YAE1: variants seen among roughly 807,000 people sequenced by gnomAD.
The protein encoded by YAE1 is protein YAE1 homolog.
In YAE1, 22 loss-of-function variants were observed where a neutral mutation model predicts 23.0. That is an observed-to-expected ratio of 0.96 (90% CI 0.68 to 1.37). The LOEUF (loss-of-function observed/expected upper bound fraction) is 1.37, where lower values mean the gene tolerates loss of function less well. YAE1 is among the 40% of genes most tolerant of loss of function. The pLI is 0.00. For synonymous variants in YAE1, 101 were observed against 97.0 expected (o/e 1.04, Z -0.24); for missense variants, 260 against 262.1 (o/e 0.99, Z 0.06).
chr7:39,584,522 A>G (rs1258881071), intron 2 of YAE1, among the ~76,000 whole-genome samples: 1 of 152,104 alleles, frequency 6.6e-6, no homozygotes, highest in Non-Finnish European at 1.5e-5. Context: ...CCCTTATCCT[A>G]ATTTATTGCC....
At chr7:39,577,079 A>C (rs1481473109), downstream of YAE1, among the ~76,000 whole-genome samples, 2 of 152,062 alleles carry the variant, frequency 1.3e-5, no homozygotes, top group Non-Finnish European at 2.9e-5. Context: ...TATTTTTAGT[A>C]GAGATGGGGT....
intron 2 of YAE1, among the ~76,000 whole-genome samples, chr7:39,592,263 C>A (rs2115823871): frequency 6.6e-6 from 1 of 152,332 alleles, no homozygotes; most frequent in South Asian, 2.1e-4. Flanking sequence ...ACCAAACTAT[C>A]TTCCAGAGTT....
At chr7:39,585,065 C>G (rs192883840) in intron 2 of YAE1, among the ~76,000 whole-genome samples, 13 of 152,290 alleles carry the variant, frequency 8.5e-5, no homozygotes, top group Non-Finnish European at 1.9e-4. Context: ...TGGCCACTTG[C>G]AATTTCTTAT....
At chr7:39,577,529 G>C (rs1010437115), downstream of YAE1, among the ~76,000 whole-genome samples, 1 of 152,196 alleles carries the variant, frequency 6.6e-6, no homozygotes, top group African/African-American at 2.4e-5. Context: ...CAGGGAGGGA[G>C]GGGTTTAGCA....
At chr7:39,607,671 T>G (rs985021157) in intron 2 of YAE1, among the ~76,000 whole-genome samples, 2 of 152,222 alleles carry the variant, frequency 1.3e-5, no homozygotes, top group South Asian at 4.1e-4. Flanking sequence ...TTGTTGTTAC[T>G]GTTTGTTTGT....
chr7:39,606,190 A>G (rs1348861014), intron 2 of YAE1, among the ~76,000 whole-genome samples: 1 of 152,182 alleles, frequency 6.6e-6, no homozygotes, highest in African/African-American at 2.4e-5. Flanking sequence ...CTCAAAAAAA[A>G]TAAAAAAGCT....
intron 1 of YAE1, chr7:39,569,442 CCTT>C (rs2115767447): frequency 2.0e-6 from 1 of 488,070 alleles, no homozygotes; most frequent in East Asian, 5.3e-5. Context: ...AGTCTTTGTT[CCTT>C]CTTTACTTTT....
chr7:39,578,520 C>G (rs550141493), intron 2 of YAE1, among the ~76,000 whole-genome samples: 36 of 152,302 alleles, frequency 2.4e-4, no homozygotes, highest in African/African-American at 8.2e-4. Context: ...CTCACTGCAA[C>G]GGGCTGCAGC....
At chr7:39,610,275 T>A in exon 3 of YAE1, 2 of 520,862 alleles carry the variant, frequency 3.8e-6, no homozygotes, top group Non-Finnish European at 7.1e-6. Flanking sequence ...AAACTATGTG[T>A]CTTGAAGCTT....
intron 2 of YAE1, among the ~76,000 whole-genome samples, chr7:39,595,420 G>A (rs1220264554): frequency 3.3e-5 from 5 of 151,936 alleles, no homozygotes; most frequent in South Asian, 4.2e-4. Flanking sequence ...ATTCTGGGAC[G>A]TATGCCAGAA....
At chr7:39,571,278 T>C (rs1283916822) in intron 2 of YAE1, among the ~76,000 whole-genome samples, 3 of 77,636 alleles carry the variant, frequency 3.9e-5, no homozygotes, top group African/African-American at 2.2e-4. Context: ...TCTTTTTTCT[T>C]TTTTTTTTTT....
intron 1 of YAE1, 71 bp downstream of exon 1, chr7:39,566,618 C>A: frequency 6.3e-7 from 1 of 1,590,366 alleles, no homozygotes; most frequent in South Asian, 1.1e-5. Flanking sequence ...GAAGCTGGGT[C>A]CAGAGTGGCC....
intron 2 of YAE1, among the ~76,000 whole-genome samples, chr7:39,600,183 C>A (rs1791036138): frequency 6.6e-6 from 1 of 152,052 alleles, no homozygotes; most frequent in Non-Finnish European, 1.5e-5. Flanking sequence ...AATAGAAGAA[C>A]CACTAATATA....
intron 2 of YAE1, among the ~76,000 whole-genome samples, chr7:39,585,688 TC>T (rs1312390368): frequency 2.0e-5 from 3 of 152,254 alleles, no homozygotes; most frequent in Non-Finnish European, 4.4e-5. Context: ...GAAATGTATT[TC>T]TTCAACAGAT....
chr7:39,609,557 G>A (rs1583688388), intron 2 of YAE1: 3 of 1,502,234 alleles, frequency 2.0e-6, no homozygotes, highest in Non-Finnish European at 1.8e-6. Context: ...AATGGGGAAA[G>A]TTGTGGGGAC....
chr7:39,609,530 T>A (rs1791175778), intron 2 of YAE1: 2 of 1,461,734 alleles, frequency 1.4e-6, no homozygotes, highest in African/African-American at 2.8e-5. Context: ...AAAATGATGA[T>A]GTTATCGAAT....
chr7:39,586,647 G>T (rs537713288), intron 2 of YAE1, among the ~76,000 whole-genome samples: 15 of 151,486 alleles, frequency 9.9e-5, no homozygotes, highest in African/African-American at 3.6e-4. Flanking sequence ...ACAGGCGCCA[G>T]CCACCATGCC....
At chr7:39,570,472 G>GT in intron 1 of YAE1, 34 bp from the exon 2 acceptor site, 2 of 1,601,570 alleles carry the variant, frequency 1.2e-6, no homozygotes, top group Non-Finnish European at 1.7e-6. Flanking sequence ...TATATACTTA[G>GT]TTACAGCTGC....
chr7:39,572,410 C>T lies in YAE1; in HGVS notation c.385C>T (p.His129Tyr). 1 of 1,614,142 alleles carries T rather than the reference C, an allele frequency of 6.2e-7. No homozygotes were observed. The highest frequency in any genetic ancestry group is 1.1e-5 in the South Asian group (1 of 91,064). ...KHLKSITPPS[H>Y]VVDLLDSIED... ...TCTGAAATCAATCACTCCACCGTCC[C>T]ATGTTGTAGATTTATTGGACTCCAT... Residue 129 changes from histidine to tyrosine, a missense_variant, in exon 3 of 3, where the codon CAT becomes TAT. His to Tyr is a moderately conservative substitution (Grantham distance 83). Transcript: ENST00000223273.
Sources: gnomAD v4.1 joint callset for allele counts (sites outside exome capture counted in the v4.1 genomes callset) on GRCh38, gnomAD v4.1.1 for gene constraint, MANE v1.5 for transcripts, NCBI Gene and HGNC (gene_info 2026-07-23, HGNC 2026-07-21) for gene names.